Variants in PSTPIP2 observed in about 807,000 individuals in gnomAD.
The protein encoded by PSTPIP2 is proline-serine-threonine phosphatase interacting protein 2, also known as proline-serine-threonine phosphatase-interacting protein 2.
PSTPIP2 carries 33 observed loss-of-function variants against 63.3 expected under a neutral mutation model. The ratio of observed to expected loss-of-function variants is 0.52; its 90% CI spans 0.40 to 0.70. The LOEUF is 0.70. Ranked by LOEUF, PSTPIP2 falls within the 30% of genes least tolerant of loss-of-function variation. The pLI, the probability that PSTPIP2 is intolerant of heterozygous loss-of-function variation, is 0.00. For missense variants in PSTPIP2, 312 were observed against 400.7 expected, an observed-to-expected ratio of 0.78 and a Z score of 1.89; for synonymous variants, 125 against 132.7, an observed-to-expected ratio of 0.94 and a Z score of 0.40.
chr18:46,057,771 G>A (rs1429890780), intron 1 of PSTPIP2, among the ~76,000 whole-genome samples: 1 of 152,122 alleles, frequency 6.6e-6, no homozygotes, highest in Non-Finnish European at 1.5e-5. Context: ...GCCGAGGCAG[G>A]CGGATCGTGA....
chr18:46,025,830 C>A (rs1907559684), intron 2 of PSTPIP2, among the ~76,000 whole-genome samples: 1 of 152,248 alleles, frequency 6.6e-6, no homozygotes, highest in African/African-American at 2.4e-5. Flanking sequence ...TCTCGGCTCA[C>A]TGCGACCTCC....
At chr18:46,032,828 A>T (rs182900938) in intron 2 of PSTPIP2, among the ~76,000 whole-genome samples, 1 of 152,194 alleles carries the variant, frequency 6.6e-6, no homozygotes, top group East Asian at 1.9e-4. Flanking sequence ...GACAAACATC[A>T]TCAGATATGG....
At chr18:46,012,586 A>AACCCCGTCTCTACTAAAC (rs2051810801) in intron 4 of PSTPIP2, among the ~76,000 whole-genome samples, 1 of 152,192 alleles carries the variant, frequency 6.6e-6, no homozygotes, top group Non-Finnish European at 1.5e-5. Context: ...CATTCTGGCA[A>AACCCCGTCTCTACTAAAC]CATGGTGAAA....
At chr18:46,026,084 A>G (rs1019013846) in intron 2 of PSTPIP2, among the ~76,000 whole-genome samples, 1 of 152,132 alleles carries the variant, frequency 6.6e-6, no homozygotes, top group African/African-American at 2.4e-5. Flanking sequence ...GTTCTGAGAA[A>G]GTGGATTTAC....
At chr18:46,033,184 A>G (rs1194891421) in intron 2 of PSTPIP2, among the ~76,000 whole-genome samples, 1 of 152,196 alleles carries the variant, frequency 6.6e-6, no homozygotes, top group East Asian at 1.9e-4. Flanking sequence ...CAGGTGTCTA[A>G]ACTCCCATCC....
intron 1 of PSTPIP2, among the ~76,000 whole-genome samples, chr18:46,065,860 C>G (rs868367072): frequency 6.6e-6 from 1 of 151,744 alleles, no homozygotes; most frequent in South Asian, 2.1e-4. Flanking sequence ...CCTTGGCCTC[C>G]CAAAGTGCTG....
intron 2 of PSTPIP2, among the ~76,000 whole-genome samples, chr18:46,030,681 C>T (rs7229925): frequency 8.5e-5 from 13 of 152,204 alleles, no homozygotes; most frequent in Non-Finnish European, 1.2e-4. Flanking sequence ...TTTATCACTA[C>T]GTAATCTTTT....
intron 6 of PSTPIP2, among the ~76,000 whole-genome samples, chr18:46,001,690 C>G (rs576625855): frequency 1.3e-5 from 2 of 152,242 alleles, no homozygotes; most frequent in Admixed American, 1.3e-4. Context: ...CTTCTTTCCC[C>G]AGCCCTTAGC....
chr18:46,009,007 C>T (rs2051762729), intron 5 of PSTPIP2, among the ~76,000 whole-genome samples: 1 of 152,054 alleles, frequency 6.6e-6, no homozygotes, highest in Admixed American at 6.6e-5. Context: ...ACTGTGTGTT[C>T]AGATAGCGTC....
chr18:46,024,431 C>T (rs1406833626), intron 3 of PSTPIP2, among the ~76,000 whole-genome samples, 178 bp downstream of exon 3: 1 of 152,138 alleles, frequency 6.6e-6, no homozygotes, highest in Non-Finnish European at 1.5e-5. Flanking sequence ...AGCCACTGCG[C>T]CTGACTGAGG....
At chr18:46,048,510 T>C (rs906324842) in intron 1 of PSTPIP2, among the ~76,000 whole-genome samples, 1 of 152,146 alleles carries the variant, frequency 6.6e-6, no homozygotes, top group Non-Finnish European at 1.5e-5. Context: ...CACCAAGTAA[T>C]AGGGCAAATA....
chr18:45,989,336 A>G (rs2051499447), intron 13 of PSTPIP2, among the ~76,000 whole-genome samples: 2 of 152,168 alleles, frequency 1.3e-5, no homozygotes, highest in Non-Finnish European at 2.9e-5. Context: ...GGTAGTGAAT[A>G]AGTCTCACGA....
intron 6 of PSTPIP2, 150 bp from the exon 7 acceptor site, chr18:45,999,684 G>A: frequency 1.4e-6 from 1 of 691,180 alleles, no homozygotes. Flanking sequence ...GAGGGCAGAT[G>A]CTTTTTCTTA....
intron 4 of PSTPIP2, among the ~76,000 whole-genome samples, chr18:46,012,984 G>A (rs896447696): frequency 1.3e-5 from 2 of 151,956 alleles, no homozygotes; most frequent in Non-Finnish European, 2.9e-5. Context: ...ATGTTTAATT[G>A]CATTAAACTG....
Position 46,002,266 on chromosome 18 carries a change from A to C in PSTPIP2, c.418-2732T>G, listed in dbSNP as rs528114639. ...TATATAGATTTATGTCTTTTGCTAA[A>C]TTTGGAAATTTTTCAGCCATTATTT... On this transcript the variant is annotated intron_variant, in intron 6 of 14. Transcript: ENST00000409746. Among the ~76,000 whole-genome samples, 513 of 152,278 alleles carry C rather than the reference A, an allele frequency of 3.4e-3. 4 individuals are homozygous for C. The highest frequency in any genetic ancestry group is 0.012 in the African/African-American group (487 of 41,558).
At chr18:45,992,288 C>T (rs375064136) in intron 10 of PSTPIP2, 86 bp from the exon 11 acceptor site, 33 of 1,135,636 alleles carry the variant, frequency 2.9e-5, no homozygotes, top group South Asian at 2.4e-4. Context: ...TGAGGCGGGG[C>T]GCAGTGGCTC....
At position 46,006,796 on chromosome 18, in the gene PSTPIP2, A is replaced by T. The variant is rs562808430; in HGVS notation, c.355-1265T>A. 1.4e-4 allele frequency among the ~76,000 whole-genome samples: 21 copies of T among 152,252 alleles called. No individual in the cohort carries two copies. The South Asian group carries it at 2.1e-3, about 15-fold the overall frequency. On this transcript the variant is annotated intron_variant, in intron 5 of 14. Transcript: ENST00000409746. Reference sequence around the variant, plus strand: ...ATAATGGTGTTAATAATAAAGATGTACCTCCCAGACATAATTATAGTAGCT... The same window carrying T: ...ATAATGGTGTTAATAATAAAGATGTTCCTCCCAGACATAATTATAGTAGCT...
intron 10 of PSTPIP2, 131 bp from the exon 11 acceptor site, chr18:45,992,333 T>C: frequency 4.1e-6 from 3 of 725,568 alleles, no homozygotes; most frequent in Non-Finnish European, 7.0e-6. Context: ...GAGGTTGGGG[T>C]GGGCGGATCA....
intron 1 of PSTPIP2, among the ~76,000 whole-genome samples, chr18:46,068,137 C>A (rs1268802977): frequency 6.6e-6 from 1 of 151,372 alleles, no homozygotes; most frequent in African/African-American, 2.4e-5. Flanking sequence ...TTAAAAAATA[C>A]AAATAAAAAA....
Sources: gnomAD v4.1 joint callset for allele counts (sites outside exome capture counted in the v4.1 genomes callset) on GRCh38, gnomAD v4.1.1 for gene constraint, MANE v1.5 for transcripts, NCBI Gene and HGNC (gene_info 2026-07-23, HGNC 2026-07-21) for gene names.